Variants in DCK observed in about 807,000 individuals in gnomAD.
DCK encodes deoxyadenosine kinase.
A neutral mutation model predicts 38.3 loss-of-function variants in DCK; 23 were observed. The ratio of observed to expected loss-of-function variants is 0.60; its 90% confidence interval spans 0.43 to 0.85. DCK has a LOEUF of 0.85. Ranked by LOEUF, DCK falls within the 40% of genes least tolerant of loss-of-function variation. DCK has a pLI of 0.00. For missense variants in DCK, 259 were observed against 304.4 expected (o/e 0.85, Z 1.11); for synonymous variants, 108 against 100.6 (o/e 1.07, Z -0.44).
At chr4:71,006,758 T>TGCTCACTAGTG (rs1189890809) in intron 2 of DCK, among the ~76,000 whole-genome samples, 1 of 152,134 alleles carries the variant, frequency 6.6e-6, no homozygotes. Flanking sequence ...TAGTGAGCCA[T>TGCTCACTAGTG]GCTCATGCCA....
At chr4:71,010,539 A>G (rs956636321) in intron 2 of DCK, among the ~76,000 whole-genome samples, 1 of 149,776 alleles carries the variant, frequency 6.7e-6, no homozygotes, top group Admixed American at 6.7e-5. Flanking sequence ...TATTATTGTG[A>G]AGTACTATTT....
chr4:71,003,476 G>C (rs1739862334), intron 2 of DCK, among the ~76,000 whole-genome samples: 1 of 152,152 alleles, frequency 6.6e-6, no homozygotes, highest in African/African-American at 2.4e-5. Flanking sequence ...GATGTTTTCT[G>C]TATTTCCTGG....
intron 3 of DCK, 66 bp from the exon 4 acceptor site, chr4:71,023,493 C>A: frequency 9.4e-7 from 1 of 1,063,364 alleles, no homozygotes; most frequent in African/African-American, 1.6e-5. Flanking sequence ...TGTTCCTGTT[C>A]TCTTTTTTAT....
At chr4:71,006,260 C>G (rs1035478170) in intron 2 of DCK, 5 of 718,006 alleles carry the variant, frequency 7.0e-6, no homozygotes, top group Non-Finnish European at 8.5e-6. Flanking sequence ...GACTTTCACT[C>G]TGGGCAGAAG....
intron 6 of DCK, chr4:71,028,587 A>T (rs1740599739): frequency 2.4e-6 from 1 of 416,084 alleles, no homozygotes; most frequent in Non-Finnish European, 4.7e-6. Context: ...TTACTACTGA[A>T]GTATTTAACA....
intron 4 of DCK, 138 bp downstream of exon 4, chr4:71,023,844 G>A (rs1560688479): frequency 1.5e-6 from 1 of 684,416 alleles, no homozygotes; most frequent in Non-Finnish European, 2.3e-6. Context: ...TTAGAAACTT[G>A]TAACTGTGTA....
intron 2 of DCK, among the ~76,000 whole-genome samples, chr4:71,015,517 C>A (rs192977356): frequency 6.6e-6 from 1 of 152,126 alleles, no homozygotes; most frequent in African/African-American, 2.4e-5. Flanking sequence ...TGATGAACAT[C>A]GATGCAAAAA....
At chr4:71,018,606 G>C (rs1490502236) in intron 2 of DCK, among the ~76,000 whole-genome samples, 3 of 151,738 alleles carry the variant, frequency 2.0e-5, no homozygotes, top group Admixed American at 2.0e-4. Flanking sequence ...AGTTTGCAGA[G>C]GGGAGAACTT....
Position 71,024,069 on chromosome 4 carries a change from T to C in DCK, c.549+363T>C, listed in dbSNP as rs149487681. Among the ~76,000 whole-genome samples, 465 of 152,330 alleles carry C rather than the reference T, an allele frequency of 3.1e-3. 1 individual carries two copies. The highest frequency in any genetic ancestry group is 5.2e-3 in the Non-Finnish European group (355 of 68,002). On this transcript the variant is annotated intron_variant, in intron 4 of 6. Transcript: ENST00000286648. ...TGAGGTGGGACCTTGGGCATTTTGA[T>C]TACTATTGAATTTCCATTGCCTAGA...
At chr4:71,016,574 A>T (rs1426159239) in intron 2 of DCK, among the ~76,000 whole-genome samples, 1 of 152,234 alleles carries the variant, frequency 6.6e-6, no homozygotes, top group Non-Finnish European at 1.5e-5. Context: ...TGGTACTGGT[A>T]CCAAAACAGA....
At chr4:71,011,975 G>T (rs1485322666) in intron 2 of DCK, among the ~76,000 whole-genome samples, 1 of 152,218 alleles carries the variant, frequency 6.6e-6, no homozygotes, top group East Asian at 1.9e-4. Flanking sequence ...TTTTGGTGGA[G>T]GTGATATGTA....
At chr4:71,028,626 T>C in intron 6 of DCK, 1 of 434,106 alleles carries the variant, frequency 2.3e-6, no homozygotes, top group Non-Finnish European at 4.6e-6. Context: ...GAGACAGTCT[T>C]GCTCCGTCGC....
chr4:71,022,507 CAA>C lies in DCK; in HGVS notation c.350_351del (p.Lys117ArgfsTer10), dbSNP rs1740450495. 2.5e-6 allele frequency: 4 copies of C among 1,602,548 alleles called. No homozygotes were observed. Among genetic ancestry groups the C allele is most frequent in the Middle Eastern group, 1.7e-4 (1 of 6,016 alleles). On this transcript the variant is annotated frameshift_variant, in exon 3 of 7. Coordinates refer to ENST00000286648, the MANE Select transcript of DCK (RefSeq NM_000788.3). LOFTEE classifies it high-confidence loss of function. ...AQLASLNGKL[K>X]DAEKPVLFFE... ...AGCTTGCCTCTCTGAATGGCAAGCT[CAA>C]AGATGCAGAGAAACCTGTATTATTT...
chr4:71,023,453 A>G (rs1740476306), intron 3 of DCK, 106 bp from the exon 4 acceptor site: 1 of 732,148 alleles, frequency 1.4e-6, no homozygotes. Flanking sequence ...CCACGGCACT[A>G]TGTGCCACTG....
chr4:71,021,830 G>A (rs945342522), intron 2 of DCK, among the ~76,000 whole-genome samples: 1 of 152,016 alleles, frequency 6.6e-6, no homozygotes, highest in Non-Finnish European at 1.5e-5. Flanking sequence ...GTGAAACCCC[G>A]TCTCTACTAA....
rs1740631222 is a variant in DCK, at chr4:71,029,390, A to T, written c.*12A>T. ...TGAGTACTTTGTGATCTTGCTGAAGACTACAGGCAGCCAAATGGTTCCAGA... is the reference window on the plus strand; with the variant it reads ...TGAGTACTTTGTGATCTTGCTGAAGTCTACAGGCAGCCAAATGGTTCCAGA... On this transcript the variant is annotated 3_prime_UTR_variant, in exon 7 of 7. Coordinates refer to ENST00000286648, the MANE Select transcript of DCK (RefSeq NM_000788.3). 2 of 1,604,220 alleles carry T rather than the reference A, an allele frequency of 1.2e-6. No individual in the cohort carries two copies. Among genetic ancestry groups the T allele is most frequent in the African/African-American group, 2.7e-5 (2 of 74,786 alleles).
intron 2 of DCK, among the ~76,000 whole-genome samples, chr4:71,017,017 T>A (rs901208025): frequency 2.6e-5 from 4 of 151,848 alleles, no homozygotes; most frequent in African/African-American, 9.7e-5. Flanking sequence ...TGGGAGAAAA[T>A]TTTTGCAATC....
chr4:71,006,133 C>CAAAAAAAAAAAAAAAAAAACA (rs67497388), intron 2 of DCK, among the ~76,000 whole-genome samples: 2 of 104,338 alleles, frequency 1.9e-5, no homozygotes, highest in African/African-American at 3.6e-5. Flanking sequence ...ACAAAAACAC[C>CAAAAAAAAAAAAAAAAAAACA]AAAAAAAAAA....
chr4:71,028,759 A>ATTTTTT, intron 6 of DCK: 1 of 250,230 alleles, frequency 4.0e-6, no homozygotes, highest in South Asian at 3.3e-5. Context: ...TGCCTAGCTA[A>ATTTTTT]TTTTTTTTTT....
Sources: allele counts gnomAD v4.1 joint callset (sites outside exome capture counted in the v4.1 genomes callset), GRCh38; gene constraint gnomAD v4.1.1; transcripts MANE v1.5; gene names NCBI Gene and HGNC (gene_info 2026-07-23, HGNC 2026-07-21).